SMARCA4: variants seen among roughly 807,000 people sequenced by gnomAD.
SMARCA4 encodes SWI/SNF-related matrix-associated actin-dependent regulator of chromatin subfamily A member 4.
SMARCA4 carries 31 observed loss-of-function variants against 193.9 expected under a neutral mutation model. The ratio of observed to expected loss-of-function variants is 0.16; its 90% CI spans 0.12 to 0.22. The LOEUF is 0.22. Among genes scored for constraint, SMARCA4 ranks in the 10% least tolerant of loss-of-function variants. SMARCA4 has a pLI of 1.00. For synonymous variants in SMARCA4, 942 were observed against 933.1 expected, an observed-to-expected ratio of 1.01 and a Z score of -0.17; for missense variants, 1,148 against 2,296.0, an observed-to-expected ratio of 0.50 and a Z score of 10.22.
At chr19:11,045,311 C>T (rs1279575843) in intron 30 of SMARCA4, among the ~76,000 whole-genome samples, 2 of 150,850 alleles carry the variant, frequency 1.3e-5, no homozygotes, top group African/African-American at 2.4e-5. Context: ...CAGAGCGGGA[C>T]TCCGTCTAAA....
intron 20 of SMARCA4, 72 bp from the exon 21 acceptor site, chr19:11,024,259 G>A (rs2090087052): frequency 1.9e-6 from 2 of 1,030,248 alleles, no homozygotes; most frequent in Admixed American, 3.4e-5. Flanking sequence ...GGGGGTCAGA[G>A]CTGGGTTCGG....
chr19:11,051,413 C>A (rs1182248396), intron 30 of SMARCA4, among the ~76,000 whole-genome samples: 3 of 152,174 alleles, frequency 2.0e-5, no homozygotes, highest in Admixed American at 1.3e-4. Flanking sequence ...TCGGAGCAGC[C>A]CCCTGCCTTG....
At chr19:11,050,468 G>A (rs147049727) in intron 30 of SMARCA4, among the ~76,000 whole-genome samples, 2 of 152,370 alleles carry the variant, frequency 1.3e-5, no homozygotes, top group East Asian at 1.9e-4. Flanking sequence ...CAGCCCAGAC[G>A]CCAGCACTGT....
intron 23 of SMARCA4, 151 bp downstream of exon 23, chr19:11,026,497 CTTT>C (rs35017701): frequency 8.8e-3 from 3,600 of 408,164 alleles, no homozygotes; most frequent in East Asian, 0.018. Context: ...TAATACAAAT[CTTT>C]TTTTTTTTTT....
intron 30 of SMARCA4, among the ~76,000 whole-genome samples, chr19:11,044,287 A>G (rs2075779013): frequency 6.6e-6 from 1 of 152,212 alleles, no homozygotes; most frequent in South Asian, 2.1e-4. Context: ...AAAGCACGGG[A>G]GAAAATCTTC....
rs1179499482 is a variant in SMARCA4 at position 10,987,648 on chromosome 19, C to A, written c.860-18C>A. The A allele has an allele frequency of 6.2e-7, 1 of 1,612,878 alleles. No homozygotes were observed. The highest frequency in any genetic ancestry group is 8.5e-7 in the Non-Finnish European group (1 of 1,179,632). Reference sequence around the variant, plus strand: ...CCCAGAGCTCAACATGACGCCCTGGCCCCTTGCCTTCTCCCAGGACCCATG... The same window carrying A: ...CCCAGAGCTCAACATGACGCCCTGGACCCTTGCCTTCTCCCAGGACCCATG... On this transcript the variant is annotated intron_variant, in intron 5 of 34. Coordinates refer to ENST00000344626, the MANE Select transcript of SMARCA4 (RefSeq NM_003072.5). This position sits in a 1 kb window ranked among gnomAD's most constrained non-coding sequence, Gnocchi z 5.3.
At chr19:11,043,697 G>T (rs2075745257) in intron 30 of SMARCA4, among the ~76,000 whole-genome samples, 1 of 152,058 alleles carries the variant, frequency 6.6e-6, no homozygotes, top group Non-Finnish European at 1.5e-5. Flanking sequence ...TAAAACATGG[G>T]CCAGGTATAG....
At chr19:10,968,727 G>A (rs1239326856) in intron 1 of SMARCA4, among the ~76,000 whole-genome samples, 2 of 152,222 alleles carry the variant, frequency 1.3e-5, no homozygotes, top group African/African-American at 2.4e-5. Flanking sequence ...TGATGTGACA[G>A]TTGCTGCTCA....
chr19:11,004,765 T>C (rs1219075464), intron 13 of SMARCA4, among the ~76,000 whole-genome samples: 2 of 152,242 alleles, frequency 1.3e-5, no homozygotes, highest in Non-Finnish European at 2.9e-5. Flanking sequence ...ATTTCTTTTC[T>C]ATGCCTCCTG....
At chr19:11,037,283 A>G (rs2075322082) in intron 29 of SMARCA4, among the ~76,000 whole-genome samples, 1 of 152,210 alleles carries the variant, frequency 6.6e-6, no homozygotes, top group Non-Finnish European at 1.5e-5. Flanking sequence ...CCAGCTGTGT[A>G]TGAGAATTCC....
In SMARCA4 at chr19:11,021,817, A is replaced by C. The variant is rs1600278331; in HGVS notation, c.2709A>C (p.Ala903=). The C allele has an allele frequency of 6.2e-7, 1 of 1,613,662 alleles. No homozygotes were observed. Among genetic ancestry groups the C allele is most frequent in the Non-Finnish European group, 8.5e-7 (1 of 1,180,002 alleles). ...LTQVLNTHYV[A]PRRLLLTGTP... ...AGGTGCTCAACACGCACTATGTGGCACCCCGCCGCCTGCTGCTGACGGGCA... is the reference window on the plus strand; with the variant it reads ...AGGTGCTCAACACGCACTATGTGGCCCCCCGCCGCCTGCTGCTGACGGGCA... The change falls in exon 19 of 35, where the codon GCA becomes GCC. Residue 903 remains alanine (A), a synonymous_variant. Coordinates refer to ENST00000344626, the MANE Select transcript of SMARCA4 (RefSeq NM_003072.5).
At chr19:11,038,873 ATC>A (rs2075411394) in intron 29 of SMARCA4, among the ~76,000 whole-genome samples, 1 of 152,214 alleles carries the variant, frequency 6.6e-6, no homozygotes, top group African/African-American at 2.4e-5. Flanking sequence ...ACCATGAGGA[ATC>A]TGTCTTAAAC....
chr19:10,990,784 C>G (rs1329722948), intron 7 of SMARCA4, among the ~76,000 whole-genome samples: 2 of 152,216 alleles, frequency 1.3e-5, no homozygotes, highest in African/African-American at 4.8e-5. Context: ...GTCTCAAACT[C>G]CTGGGCTTGA....
chr19:10,971,507 C>T (rs73011376), intron 1 of SMARCA4, among the ~76,000 whole-genome samples: 7,008 of 70,088 alleles, frequency 0.1, 363 homozygotes, highest in African/African-American at 0.21. Context: ...TTTTTTTTTT[C>T]TCTTTGAGAC....
chr19:11,054,574 CAGG>C (rs990656670), intron 30 of SMARCA4, among the ~76,000 whole-genome samples: 1 of 152,184 alleles, frequency 6.6e-6, no homozygotes. Flanking sequence ...GTGGGTGGAT[CAGG>C]AGGTCAGGAG....
chr19:11,007,723 TAATA>T lies in SMARCA4; in HGVS notation c.2002-174_2002-171del, dbSNP rs1380128085. ...GACTCCCATATATTAAAAAAAATAA[TAATA>T]AATACATAATTTTAAAACAAAGATG... On this transcript the variant is annotated intron_variant, in intron 13 of 34. Transcript: ENST00000344626. Among the ~76,000 whole-genome samples, 20 of 152,172 alleles carry T rather than the reference TAATA, an allele frequency of 1.3e-4. No individual in the cohort carries two copies. In the East Asian group the frequency reaches 3.9e-3, roughly 29 times the overall value.
Position 11,019,620 on chromosome 19 carries a change from C to T in SMARCA4, c.2535C>T (p.Val845=), listed in dbSNP as rs986151175. ...KGSPAARRAF[V]PQLRSGKFNV... ...CCCCAGCAGCAAGACGGGCCTTTGT[C>T]CCCCAGCTCCGGAGTGGGAAGTTCA... Residue 845 remains valine (V), a synonymous_variant, in exon 18 of 35, where the codon GTC becomes GTT. Transcript: ENST00000344626. This position sits in a 1 kb window ranked among gnomAD's most constrained non-coding sequence, Gnocchi z 6.1. 1.9e-6 allele frequency: 3 copies of T among 1,612,582 alleles called. No homozygotes were observed. The highest frequency in any genetic ancestry group is 2.7e-5 in the African/African-American group (2 of 74,938).
intron 30 of SMARCA4, among the ~76,000 whole-genome samples, chr19:11,046,010 C>T (rs1433778445): frequency 6.6e-6 from 1 of 151,990 alleles, no homozygotes; most frequent in Non-Finnish European, 1.5e-5. Flanking sequence ...GATCACAAGG[C>T]CAGGAGATCA....
intron 8 of SMARCA4, 128 bp downstream of exon 8, chr19:10,991,451 T>A: frequency 6.9e-7 from 1 of 1,439,894 alleles, no homozygotes; most frequent in Non-Finnish European, 9.4e-7. Flanking sequence ...TTGCTCATTG[T>A]AACAGTATTC....
Sources: allele counts gnomAD v4.1 joint callset (sites outside exome capture counted in the v4.1 genomes callset), GRCh38; gene constraint gnomAD v4.1.1; non-coding constraint Gnocchi (gnomAD v3.1); transcripts MANE v1.5; gene names NCBI Gene and HGNC (gene_info 2026-07-23, HGNC 2026-07-21).